LAMP1: variants seen among roughly 807,000 people sequenced by gnomAD.
LAMP1 encodes the protein lysosome associated membrane protein 1, also known as lysosome-associated membrane glycoprotein 1.
Under a neutral mutation model 37.5 loss-of-function variants are expected in LAMP1, and 7 were observed. The ratio of observed to expected loss-of-function variants is 0.19; its 90% CI spans 0.11 to 0.35. The LOEUF is 0.35. Among genes scored for constraint, LAMP1 ranks in the 10% least tolerant of loss-of-function variants. LAMP1 has a pLI of 1.00. For missense variants in LAMP1, 537 were observed against 552.8 expected, an observed-to-expected ratio of 0.97 and a Z score of 0.29; for synonymous variants, 236 against 229.1, an observed-to-expected ratio of 1.03 and a Z score of -0.27.
chr13:113,301,627 TAA>T lies in LAMP1; in HGVS notation c.61+4149_61+4150del, dbSNP rs1161593860. Among the ~76,000 whole-genome samples, 38 of 9,388 alleles carry T rather than the reference TAA, an allele frequency of 4.0e-3. 1 individual carries two copies. The highest frequency in any genetic ancestry group is 0.12 in the Middle Eastern group (2 of 16). 6.2% of individuals were successfully genotyped at this position (9,388 alleles called of 152,430 possible). A position where few individuals can be genotyped will look rare whatever the true frequency, so the allele number is the denominator to read the frequency against. ...GACAGAGTGAGACTCTGTTTCCATT[TAA>T]AAAAAAAAAAAAAAAATATATATAT... On this transcript the variant is annotated intron_variant, in intron 1 of 8. Coordinates refer to ENST00000332556, the MANE Select transcript of LAMP1 (RefSeq NM_005561.4).
At position 113,321,089 on chromosome 13, in the gene LAMP1, G is replaced by C. The variant is rs996202750; in HGVS notation, c.877-315G>C. On this transcript the variant is annotated intron_variant, in intron 6 of 8. Transcript: ENST00000332556. The surrounding 1 kb of genome is among the most constrained non-coding windows in gnomAD (Gnocchi z 5.6). ...CCAGCTACTTGGGAGGCTGAGGTGG[G>C]AGGATCACTTGAGCCCAGGAGTTAA... 2.8e-6 allele frequency: 1 copy of C among 351,612 alleles called. No homozygotes were observed. The highest frequency in any genetic ancestry group is 2.5e-5 in the South Asian group (1 of 40,156). The allele number at this position is 351,612 out of a possible 1,614,324, so 21.8% of individuals were successfully genotyped here.
intron 4 of LAMP1, among the ~76,000 whole-genome samples, chr13:113,319,074 C>T (rs778996353): frequency 2.0e-5 from 3 of 152,242 alleles, no homozygotes; most frequent in Non-Finnish European, 2.9e-5. Flanking sequence ...GGCCACGCAG[C>T]ACAGCTTCCT....
chr13:113,299,265 C>G (rs2042558011), intron 1 of LAMP1, among the ~76,000 whole-genome samples: 1 of 148,762 alleles, frequency 6.7e-6, no homozygotes, highest in Non-Finnish European at 1.5e-5. Flanking sequence ...TTTATGTTTA[C>G]AATCTTAACT....
At chr13:113,319,366 C>T in intron 4 of LAMP1, 103 bp from the exon 5 acceptor site, 1 of 1,051,598 alleles carries the variant, frequency 9.5e-7, no homozygotes. Flanking sequence ...ACCAAGGACG[C>T]CAGAGTCCAC....
At chr13:113,315,266 G>C (rs1387152494) in intron 4 of LAMP1, among the ~76,000 whole-genome samples, 7 of 150,546 alleles carry the variant, frequency 4.6e-5, no homozygotes, top group Admixed American at 1.3e-4. Context: ...TGTGCCTGGG[G>C]CGGGGCCTCC....
rs538212574 is a variant in LAMP1, at chr13:113,318,802, C to T, written c.563-667C>T. On this transcript the variant is annotated intron_variant, in intron 4 of 8. Coordinates refer to ENST00000332556, the MANE Select transcript of LAMP1 (RefSeq NM_005561.4). ...CTTGCCCATCCCCCACAGCCCCCTC[C>T]CCAAATGAAGACCCAACACAGCTGG... 2.6e-5 allele frequency among the ~76,000 whole-genome samples: 4 copies of T among 152,274 alleles called. No homozygotes were observed. The East Asian group carries it at 5.8e-4, about 22-fold the overall frequency.
chr13:113,319,514 C>T lies in LAMP1; in HGVS notation c.608C>T (p.Pro203Leu). The change falls in exon 5 of 9, where the codon CCT becomes CTT. Residue 203 changes from proline to leucine, a missense_variant. Physicochemically the swap from Pro to Leu is moderately conservative, Grantham distance 98. Transcript: ENST00000332556. Reference protein sequence around the residue: ...QDRPSPTTAPPAPPSPSPSPV... With the variant: ...QDRPSPTTAPLAPPSPSPSPV... ...AGGCCTTCCCCAACCACAGCGCCCC[C>T]TGCGCCACCCAGCCCCTCGCCCTCA... is the stretch of plus-strand genomic sequence containing the variant. 1 of 1,613,892 alleles carries T rather than the reference C, an allele frequency of 6.2e-7. No individual in the cohort carries two copies. Among genetic ancestry groups the T allele is most frequent in the Non-Finnish European group, 8.5e-7 (1 of 1,179,952 alleles).
chr13:113,306,988 C>T (rs773856244), intron 2 of LAMP1, among the ~76,000 whole-genome samples: 4 of 151,368 alleles, frequency 2.6e-5, no homozygotes, highest in South Asian at 2.1e-4. Flanking sequence ...TACAGGCGCT[C>T]GCCACCACGC....
chr13:113,313,924 C>T (rs1162703284), intron 4 of LAMP1, among the ~76,000 whole-genome samples: 6 of 107,660 alleles, frequency 5.6e-5, no homozygotes, highest in Admixed American at 1.8e-4. Flanking sequence ...GTGCCTGGGG[C>T]GTGGCCTCCT....
At chr13:113,315,045 A>G (rs1441807225) in intron 4 of LAMP1, among the ~76,000 whole-genome samples, 32 of 94,902 alleles carry the variant, frequency 3.4e-4, no homozygotes, top group Admixed American at 5.6e-4. Flanking sequence ...CCTGGAGGGA[A>G]CCAGTGTGGA....
At chr13:113,308,820 T>C (rs2042614186) in intron 2 of LAMP1, among the ~76,000 whole-genome samples, 1 of 152,214 alleles carries the variant, frequency 6.6e-6, no homozygotes, top group African/African-American at 2.4e-5. Context: ...CACGTTAGTA[T>C]ACTGCTTCAC....
intron 4 of LAMP1, among the ~76,000 whole-genome samples, chr13:113,317,292 C>G (rs960425507): frequency 6.6e-6 from 1 of 152,184 alleles, no homozygotes; most frequent in Non-Finnish European, 1.5e-5. Flanking sequence ...GTGATGAGCT[C>G]TCCGTCACTG....
intron 4 of LAMP1, among the ~76,000 whole-genome samples, chr13:113,317,266 C>T (rs1010643146): frequency 6.6e-6 from 1 of 152,180 alleles, no homozygotes; most frequent in African/African-American, 2.4e-5. Flanking sequence ...GCGCAGGGCA[C>T]TCTCCAGTGC....
At chr13:113,306,698 C>G (rs2042600433) in intron 2 of LAMP1, 92 bp downstream of exon 2, 4 of 1,409,144 alleles carry the variant, frequency 2.8e-6, no homozygotes, top group African/African-American at 3.5e-5. Context: ...ATGGCCCCAT[C>G]TGAACATGGT....
chr13:113,307,625 A>G (rs746382833), intron 2 of LAMP1, among the ~76,000 whole-genome samples: 1 of 152,128 alleles, frequency 6.6e-6, no homozygotes, highest in Non-Finnish European at 1.5e-5. Context: ...ACTGCAAGAA[A>G]TGTATATAAA....
rs368427348 is a variant in LAMP1 at position 113,321,660 on chromosome 13, G to A, written c.1047G>A (p.Ala349=). The A allele has an allele frequency of 3.1e-5, 50 of 1,614,106 alleles. No individual in the cohort carries two copies. Among genetic ancestry groups the A allele is most frequent in the East Asian group, 1.3e-4 (6 of 44,896 alleles). ...AGGAGCACGTCCGTGTCACGAAGGC[G>A]TTTTCAGTCAATATATTCAAAGTGT... The part of the protein sequence containing the change: ...NAEEHVRVTK[A]FSVNIFKVWV... Residue 349 remains alanine, a synonymous_variant, in exon 8 of 9, where the codon GCG becomes GCA. Transcript: ENST00000332556. The surrounding 1 kb of genome is among the most constrained non-coding windows in gnomAD (Gnocchi z 5.6).
At chr13:113,316,711 G>A (rs1313234762) in intron 4 of LAMP1, among the ~76,000 whole-genome samples, 4 of 151,988 alleles carry the variant, frequency 2.6e-5, no homozygotes, top group Non-Finnish European at 4.4e-5. Context: ...GTGAGCCACC[G>A]TGCCCAGCTG....
chr13:113,313,342 T>C (rs2042641414), intron 4 of LAMP1, among the ~76,000 whole-genome samples: 1 of 152,250 alleles, frequency 6.6e-6, no homozygotes, highest in South Asian at 2.1e-4. Flanking sequence ...GACTATTTTT[T>C]AGAGCAGTCT....
Position 113,322,370 on chromosome 13 carries a change from C to T in LAMP1, c.1203C>T (p.Ile401=), listed in dbSNP as rs377066074. 1.5e-5 allele frequency: 24 copies of T among 1,604,230 alleles called. No individual in the cohort carries two copies. Among genetic ancestry groups the T allele is most frequent in the East Asian group, 9.1e-5 (4 of 44,130 alleles). Residue 401 remains isoleucine (I), a synonymous_variant, in exon 9 of 9, where the codon ATC becomes ATT. Transcript: ENST00000332556. ...ALAGLVLIVL[I]AYLVGRKRSH... The stretch of plus-strand genomic sequence containing the variant: ...CGGGGCTGGTCCTCATCGTCCTCAT[C>T]GCCTACCTCGTCGGCAGGAAGAGGA...
Sources: allele counts gnomAD v4.1 joint callset (sites outside exome capture counted in the v4.1 genomes callset), GRCh38; gene constraint gnomAD v4.1.1; non-coding constraint Gnocchi (gnomAD v3.1); transcripts MANE v1.5; gene names NCBI Gene and HGNC (gene_info 2026-07-23, HGNC 2026-07-21).